Variants in RNF220 observed in about 807,000 individuals in gnomAD.
RNF220 encodes the protein E3 ubiquitin-protein ligase RNF220.
RNF220 carries 7 observed loss-of-function variants against 67.1 expected under a neutral mutation model. The observed-to-expected ratio is 0.10, with a 90% CI of 0.06 to 0.20. The LOEUF is 0.20. Ranked by LOEUF, RNF220 falls within the 10% of genes least tolerant of loss-of-function variation. The pLI is 1.00. For synonymous variants in RNF220, 270 were observed against 283.2 expected (o/e 0.95, Z 0.47); for missense variants, 565 against 740.3 (o/e 0.76, Z 2.75).
chr1:44,548,712 G>C (rs200483362), intron 2 of RNF220, among the ~76,000 whole-genome samples: 4 of 151,990 alleles, frequency 2.6e-5, no homozygotes, highest in Admixed American at 1.3e-4. Flanking sequence ...GGCTGGTCTC[G>C]AACTCCTGGC....
chr1:44,644,563 C>T, intron 8 of RNF220, 135 bp from the exon 9 acceptor site: 1 of 640,660 alleles, frequency 1.6e-6, no homozygotes. Flanking sequence ...AAGTATCTGG[C>T]TCTATACATC....
At chr1:44,619,114 G>C (rs1643685479) in intron 3 of RNF220, among the ~76,000 whole-genome samples, 1 of 152,186 alleles carries the variant, frequency 6.6e-6, no homozygotes. Flanking sequence ...TTGGCCCCCA[G>C]ACTTCCCAGT....
At position 44,555,636 on chromosome 1, in the gene RNF220, A is replaced by G. The variant is rs563904114; in HGVS notation, c.626-58529A>G. Among the ~76,000 whole-genome samples, 147 of 149,630 alleles carry G rather than the reference A, an allele frequency of 9.8e-4. 9 individuals are homozygous for G. The highest frequency in any genetic ancestry group is 3.6e-3 in the African/African-American group (142 of 39,630). ...ACTACAGGCGCCTGCCACCATGCCT[A>G]GCTAATTTTTTCTATTTTTTAGTAG... On this transcript the variant is annotated intron_variant, in intron 2 of 14. Transcript: ENST00000361799.
chr1:44,636,251 G>T (rs1283094613), intron 8 of RNF220, 89 bp downstream of exon 8: 22 of 1,537,986 alleles, frequency 1.4e-5, no homozygotes. Context: ...GCCGAGGCTG[G>T]TGGCTGGTCA....
In RNF220 at chr1:44,645,295, T is replaced by C; in HGVS notation, c.1366+19T>C. On this transcript the variant is annotated intron_variant, in intron 11 of 14. Transcript: ENST00000361799. This position sits in a 1 kb window ranked among gnomAD's most constrained non-coding sequence, Gnocchi z 5.0. ...AGTGATGGTAAGTCCTGCCCCAGGTTAGGAGTAATGGGGGAGAGGGGGTAT... is the reference window on the plus strand; with the variant it reads ...AGTGATGGTAAGTCCTGCCCCAGGTCAGGAGTAATGGGGGAGAGGGGGTAT... 1 of 1,613,880 alleles carries C rather than the reference T, an allele frequency of 6.2e-7. No individual in the cohort carries two copies.
At chr1:44,462,990 A>C (rs189892560) in intron 2 of RNF220, among the ~76,000 whole-genome samples, 1 of 151,186 alleles carries the variant, frequency 6.6e-6, no homozygotes, top group East Asian at 1.9e-4. Flanking sequence ...TTGTGCCACT[A>C]CACTCCACCC....
Position 44,650,034 on chromosome 1 carries a change from G to A in RNF220, c.1629+77G>A. The A allele has an allele frequency of 1.4e-6, 2 of 1,472,134 alleles. No individual in the cohort carries two copies. The highest frequency in any genetic ancestry group is 9.4e-7 in the Non-Finnish European group (1 of 1,068,958). The allele number at this position is 1,472,134 out of a possible 1,614,324, so 91.2% of individuals were successfully genotyped here. A position where few individuals can be genotyped will look rare whatever the true frequency, so the allele number is the denominator to read the frequency against. ...GATGTCTGTGCTTATGCCTGAGCCT[G>A]CCTGGGGGAAGTGGGGAGCATGGCG... On this transcript the variant is annotated intron_variant, in intron 14 of 14. Transcript: ENST00000361799. This position sits in a 1 kb window ranked among gnomAD's most constrained non-coding sequence, Gnocchi z 4.3.
intron 2 of RNF220, among the ~76,000 whole-genome samples, chr1:44,605,296 CAA>C (rs1553120199): frequency 1.2e-4 from 6 of 52,066 alleles, no homozygotes; most frequent in East Asian, 4.2e-4. Flanking sequence ...GACTCCGTCT[CAA>C]AAAAAAAAAA....
intron 2 of RNF220, among the ~76,000 whole-genome samples, chr1:44,423,565 A>G (rs778058128): frequency 6.6e-6 from 1 of 152,168 alleles, no homozygotes; most frequent in South Asian, 2.1e-4. Flanking sequence ...ACCCAGAACC[A>G]TGCTTGGCAC....
intron 2 of RNF220, among the ~76,000 whole-genome samples, chr1:44,496,046 G>A (rs1048376467): frequency 6.6e-6 from 1 of 152,156 alleles, no homozygotes; most frequent in Non-Finnish European, 1.5e-5. Context: ...TAAAGACTAC[G>A]GGAAGCTACT....
chr1:44,578,166 T>G (rs922240240), intron 2 of RNF220, among the ~76,000 whole-genome samples: 1 of 149,156 alleles, frequency 6.7e-6, no homozygotes, highest in East Asian at 2.0e-4. Context: ...TTTTTTTTGT[T>G]GAGACAGAGT....
At chr1:44,598,944 C>T (rs1666729706) in intron 2 of RNF220, among the ~76,000 whole-genome samples, 1 of 152,070 alleles carries the variant, frequency 6.6e-6, no homozygotes, top group African/African-American at 2.4e-5. Flanking sequence ...CCTCTCTCAC[C>T]CTCACACTTC....
At chr1:44,491,919 C>T (rs1572666519) in intron 2 of RNF220, among the ~76,000 whole-genome samples, 3 of 152,146 alleles carry the variant, frequency 2.0e-5, no homozygotes, top group African/African-American at 7.2e-5. Flanking sequence ...CCGCTTCGGC[C>T]TCCCAAAGTG....
At chr1:44,612,129 C>A (rs1232332012) in intron 2 of RNF220, among the ~76,000 whole-genome samples, 1 of 152,236 alleles carries the variant, frequency 6.6e-6, no homozygotes, top group Non-Finnish European at 1.5e-5. Flanking sequence ...TTCCTCCCCT[C>A]CTCAGAGACC....
intron 2 of RNF220, among the ~76,000 whole-genome samples, chr1:44,429,182 T>TG (rs1174783730): frequency 1.3e-5 from 2 of 151,130 alleles, no homozygotes; most frequent in East Asian, 1.9e-4. Flanking sequence ...AAAAAAAAGC[T>TG]GGGGGGAGTA....
In RNF220 at chr1:44,624,420, C is replaced by T. The variant is rs150864787; in HGVS notation, c.804+1633C>T. Among the ~76,000 whole-genome samples, 269 of 152,316 alleles carry T rather than the reference C, an allele frequency of 1.8e-3. 2 individuals carry two copies. The highest frequency in any genetic ancestry group is 6.2e-3 in the African/African-American group (256 of 41,566). On this transcript the variant is annotated intron_variant, in intron 4 of 14. Transcript: ENST00000361799. This position sits in a 1 kb window ranked among gnomAD's most constrained non-coding sequence, Gnocchi z 4.2. ...AGCTCCCCACATATACAGACCCACA[C>T]ACACACTCAGGTCAGAATACAGACA...
At chr1:44,513,892 T>G (rs1358685395) in intron 2 of RNF220, among the ~76,000 whole-genome samples, 2 of 152,214 alleles carry the variant, frequency 1.3e-5, no homozygotes, top group African/African-American at 4.8e-5. Context: ...ACTTCCGCTC[T>G]TCCTGGAATA....
rs1644616057 is a variant in RNF220 at position 44,645,542 on chromosome 1, G to C, written c.1445+54G>C. 6.4e-7 allele frequency: 1 copy of C among 1,567,612 alleles called. No homozygotes were observed. Among genetic ancestry groups the C allele is most frequent in the Admixed American group, 1.7e-5 (1 of 58,516 alleles). On this transcript the variant is annotated intron_variant, in intron 12 of 14. Transcript: ENST00000361799. This position sits in a 1 kb window ranked among gnomAD's most constrained non-coding sequence, Gnocchi z 5.0. ...GGACCACAGTTCAGTGGGAGGAGGG[G>C]CCCTTTGCTAGCAGGAAGGCCTGCT...
At chr1:44,538,733 T>C (rs992748578) in intron 2 of RNF220, among the ~76,000 whole-genome samples, 2 of 151,880 alleles carry the variant, frequency 1.3e-5, no homozygotes, top group Admixed American at 6.6e-5. Flanking sequence ...CTGGCCAACA[T>C]GGTGAAACCC....
Sources: gnomAD v4.1 joint callset for allele counts (sites outside exome capture counted in the v4.1 genomes callset) on GRCh38, gnomAD v4.1.1 for gene constraint, Gnocchi (gnomAD v3.1) non-coding constraint, MANE v1.5 for transcripts, NCBI Gene and HGNC (gene_info 2026-07-23, HGNC 2026-07-21) for gene names.